ACVR1: variants seen among roughly 807,000 people sequenced by gnomAD.
ACVR1 encodes the protein activin A receptor type 1, also known as activin receptor type-1.
A neutral mutation model predicts 57.1 loss-of-function variants in ACVR1; 38 were observed. The ratio of observed to expected loss-of-function variants is 0.67; its 90% CI spans 0.51 to 0.87. ACVR1 has a LOEUF of 0.87. Among genes scored for constraint, ACVR1 ranks in the 40% least tolerant of loss-of-function variants. The pLI is 0.00. For synonymous variants in ACVR1, 212 were observed against 228.1 expected (o/e 0.93, Z 0.63); for missense variants, 463 against 638.2 (o/e 0.73, Z 2.96).
At chr2:157,778,491 C>T (rs565452262) in intron 4 of ACVR1, 149 bp from the exon 5 acceptor site, 2 of 678,032 alleles carry the variant, frequency 2.9e-6, no homozygotes, top group African/African-American at 3.6e-5. Context: ...TTCCTAATGC[C>T]TGGCCAATGG....
At chr2:157,762,289 T>G (rs1685689201) in intron 8 of ACVR1, among the ~76,000 whole-genome samples, 1 of 152,250 alleles carries the variant, frequency 6.6e-6, no homozygotes, top group African/African-American at 2.4e-5. Context: ...TATTATAGCA[T>G]ACTGCTATCA....
At chr2:157,855,454 G>A (rs765397249) in intron 1 of ACVR1, among the ~76,000 whole-genome samples, 6 of 151,688 alleles carry the variant, frequency 4.0e-5, no homozygotes, top group Non-Finnish European at 5.9e-5. Context: ...CCAAGATCGC[G>A]CCACTGTACT....
In ACVR1 at chr2:157,768,281, A is replaced by G. The variant is rs543310047; in HGVS notation, c.791-2085T>C. 3.0e-4 allele frequency among the ~76,000 whole-genome samples: 46 copies of G among 152,240 alleles called. 1 individual carries two copies. The South Asian group carries it at 8.5e-3, about 28-fold the overall frequency. On this transcript the variant is annotated intron_variant, in intron 7 of 10. Transcript: ENST00000434821. Reference sequence around the variant, plus strand: ...CCTTAGCTGGCCACAATATGCATCAAAATGTGTTCTTGGACATTAGTTATT... The same window carrying G: ...CCTTAGCTGGCCACAATATGCATCAGAATGTGTTCTTGGACATTAGTTATT...
Position 157,738,590 on chromosome 2 carries a change from T to C in ACVR1, c.1265-20A>G. Reference sequence around the variant, plus strand: ...CTATACCTGCACACAAGGACAAGAATTGTGTTCGGTTAGCAAGAGAGTACA... The same window carrying C: ...CTATACCTGCACACAAGGACAAGAACTGTGTTCGGTTAGCAAGAGAGTACA... On this transcript the variant is annotated intron_variant, in intron 9 of 10. Transcript: ENST00000434821. 6 of 1,613,940 alleles carry C rather than the reference T, an allele frequency of 3.7e-6. No homozygotes were observed. Among genetic ancestry groups the C allele is most frequent in the Non-Finnish European group, 5.1e-6 (6 of 1,179,870 alleles).
At chr2:157,796,685 C>G (rs1687137034) in intron 3 of ACVR1, among the ~76,000 whole-genome samples, 2 of 151,322 alleles carry the variant, frequency 1.3e-5, no homozygotes, top group African/African-American at 2.4e-5. Flanking sequence ...TCATTATTTA[C>G]CAATTTAAAA....
At position 157,780,555 on chromosome 2, in the gene ACVR1, TCA is replaced by T. The variant is rs141073095; in HGVS notation, c.111_112del (p.Cys37Ter). The T allele has an allele frequency of 6.2e-7, 1 of 1,613,728 alleles. No homozygotes were observed. The highest frequency in any genetic ancestry group is 8.5e-7 in the Non-Finnish European group (1 of 1,179,902). ...GTCCTCATTACCGCAGGAGAGACCTTCACACACACACATGTAGAGTTTGGGGT... is the reference window on the plus strand; with the variant it reads ...GTCCTCATTACCGCAGGAGAGACCTTCACACACACATGTAGAGTTTGGGGT... On this transcript the variant is annotated stop_gained and frameshift_variant, in exon 4 of 11. Transcript: ENST00000434821. LOFTEE classifies it high-confidence loss of function.
At chr2:157,870,408 ATCAAGTAT>A (rs1690079394) in intron 1 of ACVR1, among the ~76,000 whole-genome samples, 1 of 152,220 alleles carries the variant, frequency 6.6e-6, no homozygotes, top group Non-Finnish European at 1.5e-5. Context: ...GCACACACCC[ATCAAGTAT>A]TCAAGATGAA....
intron 2 of ACVR1, among the ~76,000 whole-genome samples, chr2:157,817,169 T>C (rs1019862440): frequency 2.0e-5 from 3 of 152,030 alleles, no homozygotes; most frequent in Non-Finnish European, 4.4e-5. Flanking sequence ...CACTATGTTT[T>C]CCAGGCTGGT....
intron 9 of ACVR1, among the ~76,000 whole-genome samples, chr2:157,754,769 A>G (rs1334781210): frequency 6.6e-6 from 1 of 152,216 alleles, no homozygotes; most frequent in Non-Finnish European, 1.5e-5. Context: ...TAAAGCCAGT[A>G]TCACCCTAAT....
chr2:157,768,081 T>C lies in ACVR1; in HGVS notation c.791-1885A>G, dbSNP rs529535624. On this transcript the variant is annotated intron_variant, in intron 7 of 10. Transcript: ENST00000434821. ...ATTTCTACTCAGAGAAAAAATAATT[T>C]CACATTTTCACCTATGGGACATATG... 2.0e-3 allele frequency among the ~76,000 whole-genome samples: 306 copies of C among 152,276 alleles called. 3 individuals are homozygous for C. The highest frequency in any genetic ancestry group is 3.3e-3 in the Non-Finnish European group (224 of 68,016).
At chr2:157,774,291 C>T (rs576984722) in intron 5 of ACVR1, 104 bp from the exon 6 acceptor site, 76 of 862,052 alleles carry the variant, frequency 8.8e-5, no homozygotes, top group Middle Eastern at 2.2e-4. Context: ...GGCAGCAATC[C>T]GGGACACGTG....
intron 2 of ACVR1, among the ~76,000 whole-genome samples, chr2:157,814,676 AGTTATTC>A (rs1687867986): frequency 6.6e-6 from 1 of 152,230 alleles, no homozygotes; most frequent in African/African-American, 2.4e-5. Flanking sequence ...GTATATTCAA[AGTTATTC>A]CCTATAGCTT....
At chr2:157,792,161 C>T (rs2105296258) in intron 3 of ACVR1, among the ~76,000 whole-genome samples, 1 of 151,958 alleles carries the variant, frequency 6.6e-6, no homozygotes, top group South Asian at 2.1e-4. Flanking sequence ...TGAATGTCAC[C>T]ATCATGTGCC....
At chr2:157,851,704 C>A (rs1689308160) in intron 1 of ACVR1, among the ~76,000 whole-genome samples, 1 of 152,018 alleles carries the variant, frequency 6.6e-6, no homozygotes, top group Non-Finnish European at 1.5e-5. Context: ...ATATCGCATC[C>A]CCTAACTTTG....
intron 8 of ACVR1, among the ~76,000 whole-genome samples, 162 bp downstream of exon 8, chr2:157,765,759 G>A (rs1685839252): frequency 6.6e-6 from 1 of 152,196 alleles, no homozygotes; most frequent in Non-Finnish European, 1.5e-5. Flanking sequence ...AAATGTTAAT[G>A]TGAGAATCTA....
chr2:157,785,207 A>G (rs1367891441), intron 3 of ACVR1, among the ~76,000 whole-genome samples: 15 of 152,252 alleles, frequency 9.9e-5, no homozygotes. Flanking sequence ...TCAAAGTAGT[A>G]CAAATCATAA....
intron 9 of ACVR1, among the ~76,000 whole-genome samples, chr2:157,740,627 T>C (rs1684716927): frequency 6.6e-6 from 1 of 152,200 alleles, no homozygotes; most frequent in South Asian, 2.1e-4. Context: ...CTGTTGAGCT[T>C]AGAAAGGGTT....
At position 157,848,138 on chromosome 2, in the gene ACVR1, T is replaced by TA. The variant is rs769868730; in HGVS notation, c.-183+27657dup. ...TGAATGAAGTATAGCTTTGATTGTT[T>TA]AAAAATGGCCCCCAAATTCTTTGGC... On this transcript the variant is annotated intron_variant, in intron 1 of 10. Transcript: ENST00000434821. Among the ~76,000 whole-genome samples, 3 of 152,148 alleles carry TA rather than the reference T, an allele frequency of 2.0e-5. 1 individual carries two copies. Among genetic ancestry groups the TA allele is most frequent in the Non-Finnish European group, 4.4e-5 (3 of 68,022 alleles).
chr2:157,860,914 T>G (rs34836683), intron 1 of ACVR1, among the ~76,000 whole-genome samples: 4 of 152,174 alleles, frequency 2.6e-5, no homozygotes, highest in Non-Finnish European at 5.9e-5. Flanking sequence ...CCAGCAGGAT[T>G]TGAGGTAAGC....
Sources: gnomAD v4.1 joint callset for allele counts (sites outside exome capture counted in the v4.1 genomes callset) on GRCh38, gnomAD v4.1.1 for gene constraint, MANE v1.5 for transcripts, NCBI Gene and HGNC (gene_info 2026-07-23, HGNC 2026-07-21) for gene names.